Variants in GFM2 observed in about 807,000 individuals in gnomAD.
GFM2 encodes ribosome-releasing factor 2, mitochondrial.
A neutral mutation model predicts 95.4 loss-of-function variants in GFM2; 72 were observed. That is an observed-to-expected ratio of 0.76 (90% CI 0.62 to 0.92). The LOEUF (loss-of-function observed/expected upper bound fraction) is 0.92, where lower values mean the gene tolerates loss of function less well. Ranked by LOEUF, GFM2 falls within the 40% of genes least tolerant of loss-of-function variation. The probability of loss-of-function intolerance (pLI) is 0.00; values close to 1 mark genes in which losing one functional copy is unlikely to be tolerated. For synonymous variants in GFM2, 276 were observed against 317.5 expected, an observed-to-expected ratio of 0.87 and a Z score of 1.39; for missense variants, 825 against 924.1, an observed-to-expected ratio of 0.89 and a Z score of 1.39.
intron 12 of GFM2, 81 bp downstream of exon 12, chr5:74,739,908 T>C: frequency 9.9e-7 from 1 of 1,013,416 alleles, no homozygotes; most frequent in Non-Finnish European, 1.4e-6. Flanking sequence ...AAAATGGTGA[T>C]TTAACTACTT....
chr5:74,753,325 T>C (rs1190675065), intron 5 of GFM2, among the ~76,000 whole-genome samples: 1 of 152,100 alleles, frequency 6.6e-6, no homozygotes, highest in Admixed American at 6.6e-5. Context: ...AGGCCAGGTG[T>C]GGTGGCTCAC....
At chr5:74,749,801 T>TA (rs1410054174) in intron 7 of GFM2, among the ~76,000 whole-genome samples, 1 of 152,224 alleles carries the variant, frequency 6.6e-6, no homozygotes, top group African/African-American at 2.4e-5. Flanking sequence ...GTAGTTTTGA[T>TA]AAAGTTCCAG....
rs138756897 is a variant in GFM2, at chr5:74,725,649, G to A, written c.2019C>T (p.Cys673=). ...TAGGATAGTTCTATACCTTTTGCAC[G>A]CATCTTGAGACACAGGCAGAAATCA... ...TTMISACVSR[C]VQKALKKADK... is the part of the protein sequence containing the mutation. Residue 673 remains cysteine, a synonymous_variant, in exon 19 of 21, where the codon TGC becomes TGT. Coordinates refer to ENST00000296805, the MANE Select transcript of GFM2 (RefSeq NM_032380.5). 167 of 1,607,984 alleles carry A rather than the reference G, an allele frequency of 1.0e-4. No individual in the cohort carries two copies. The highest frequency in any genetic ancestry group is 9.9e-4 in the Middle Eastern group (6 of 6,046).
intron 1 of GFM2, among the ~76,000 whole-genome samples, chr5:74,764,122 C>T (rs531236739): frequency 1.7e-4 from 26 of 152,288 alleles, no homozygotes; most frequent in Non-Finnish European, 3.7e-4. Context: ...TAAGCATCCA[C>T]ATATTAACTT....
In GFM2 at chr5:74,726,088, C is replaced by A. The variant is rs774271112; in HGVS notation, c.1765G>T (p.Val589Leu). 4 of 1,611,594 alleles carry A rather than the reference C, an allele frequency of 2.5e-6. No individual in the cohort carries two copies. In the South Asian group the frequency reaches 3.3e-5, roughly 13 times the overall value. The change falls in exon 18 of 21, where the codon GTG becomes TTG. Residue 589 changes from valine (V) to leucine (L), a missense_variant. Physicochemically the swap from Val to Leu is conservative, Grantham distance 32 (BLOSUM62 1). Coordinates refer to ENST00000296805, the MANE Select transcript of GFM2 (RefSeq NM_032380.5). ...DRTLGDKRHL[V>L]TVEVEARPIE... is the part of the protein sequence containing the mutation. ...GGCCTTGCTTCCACTTCTACAGTCA[C>A]AAGATGCCTTTTGTCTCCTAAAGTT...
chr5:74,765,108 G>A lies in GFM2; in HGVS notation c.-24-1342C>T, dbSNP rs1438445544. 4.0e-6 allele frequency: 5 copies of A among 1,254,566 alleles called. No homozygotes were observed. The African/African-American group carries it at 7.7e-5, about 19-fold the overall frequency. 77.7% of individuals were successfully genotyped at this position (1,254,566 alleles called of 1,614,324 possible). A position where few individuals can be genotyped will look rare whatever the true frequency, so the allele number is the denominator to read the frequency against. The stretch of plus-strand genomic sequence containing the variant: ...GCCTTGAATCCATTCCCTTTTCATT[G>A]GTAACGCCAAAGTTCAGGGCCTCAT... On this transcript the variant is annotated intron_variant, in intron 1 of 20. Transcript: ENST00000296805.
chr5:74,758,967 A>G (rs1744137021), intron 4 of GFM2, 21 bp from the exon 5 acceptor site: 1 of 1,489,632 alleles, frequency 6.7e-7, no homozygotes. Context: ...GGAAAAAATA[A>G]GGTAAACTTT....
chr5:74,755,812 T>C (rs1580013391), intron 5 of GFM2, among the ~76,000 whole-genome samples: 1 of 152,182 alleles, frequency 6.6e-6, no homozygotes, highest in Non-Finnish European at 1.5e-5. Context: ...ACCAATTCTA[T>C]TGATGCTATT....
At chr5:74,735,436 G>A (rs1742783609) in intron 15 of GFM2, among the ~76,000 whole-genome samples, 1 of 152,190 alleles carries the variant, frequency 6.6e-6, no homozygotes, top group Non-Finnish European at 1.5e-5. Context: ...GGAGGCAATA[G>A]AGATTGCTTT....
intron 19 of GFM2, 57 bp downstream of exon 19, chr5:74,725,583 T>G: frequency 3.5e-6 from 4 of 1,134,562 alleles, no homozygotes; most frequent in Non-Finnish European, 2.7e-6. Flanking sequence ...GCAAGATCAG[T>G]GGTACTATAC....
intron 19 of GFM2, 166 bp from the exon 20 acceptor site, chr5:74,722,727 A>G (rs1325610807): frequency 1.8e-6 from 1 of 560,714 alleles, no homozygotes; most frequent in Non-Finnish European, 3.1e-6. Context: ...AATAAGCATG[A>G]TAACAGAATT....
Position 74,725,765 on chromosome 5 carries a change from G to C in GFM2, c.1913-10C>G, listed in dbSNP as rs758660730. 2.3e-5 allele frequency: 36 copies of C among 1,595,306 alleles called. No individual in the cohort carries two copies. In the Admixed American group the frequency reaches 6.0e-4, roughly 27 times the overall value. ...GATCCAAGCAATGGTCCTAGACAAGGGAAAAAAATTGTATCATACTCTGCT... is the reference window on the plus strand; with the variant it reads ...GATCCAAGCAATGGTCCTAGACAAGCGAAAAAAATTGTATCATACTCTGCT... On this transcript the variant is annotated splice_polypyrimidine_tract_variant and intron_variant, in intron 18 of 20. Coordinates refer to ENST00000296805, the MANE Select transcript of GFM2 (RefSeq NM_032380.5).
chr5:74,758,158 G>A (rs957879208), intron 5 of GFM2, among the ~76,000 whole-genome samples: 3 of 152,108 alleles, frequency 2.0e-5, no homozygotes, highest in African/African-American at 4.8e-5. Flanking sequence ...TTTGATGTGA[G>A]AATTTAACTT....
chr5:74,752,280 T>C (rs1743756922), intron 5 of GFM2, among the ~76,000 whole-genome samples: 1 of 152,338 alleles, frequency 6.6e-6, no homozygotes, highest in South Asian at 2.1e-4. Flanking sequence ...ATTAAATTTA[T>C]AGACAGTAAA....
At chr5:74,755,749 C>G (rs1438276557) in intron 5 of GFM2, among the ~76,000 whole-genome samples, 1 of 152,092 alleles carries the variant, frequency 6.6e-6, no homozygotes, top group Non-Finnish European at 1.5e-5. Flanking sequence ...CAAAAAAAGT[C>G]TAGGACCAGA....
chr5:74,762,291 C>G (rs1744323914), intron 2 of GFM2, among the ~76,000 whole-genome samples: 1 of 152,130 alleles, frequency 6.6e-6, no homozygotes, highest in African/African-American at 2.4e-5. Flanking sequence ...TCCAAGACCC[C>G]CAGTGGATTC....
At chr5:74,764,039 T>C (rs545929976) in intron 1 of GFM2, among the ~76,000 whole-genome samples, 25 of 152,330 alleles carry the variant, frequency 1.6e-4, no homozygotes, top group South Asian at 1.0e-3. Flanking sequence ...GAAATCAACT[T>C]ATTGAAATTA....
chr5:74,722,650 T>C, intron 19 of GFM2, 89 bp from the exon 20 acceptor site: 1 of 998,930 alleles, frequency 1.0e-6, no homozygotes, highest in Middle Eastern at 3.1e-4. Context: ...AGACATAAGC[T>C]TGCTTTAACT....
rs569294539 is a variant in GFM2, at chr5:74,730,501, T to C, written c.1588-103A>G. 54 of 747,334 alleles carry C rather than the reference T, an allele frequency of 7.2e-5. No homozygotes were observed. The Admixed American group carries it at 9.9e-4, about 14-fold the overall frequency. 46.3% of individuals were successfully genotyped at this position (747,334 alleles called of 1,614,324 possible). A position where few individuals can be genotyped will look rare whatever the true frequency, so the allele number is the denominator to read the frequency against. ...TAATACATACTTATTTTTAATTAAT[T>C]ACAGTTTCCTTTGTAATTCTTTTTG... On this transcript the variant is annotated intron_variant, in intron 16 of 20. Transcript: ENST00000296805.
Sources: allele counts gnomAD v4.1 joint callset (sites outside exome capture counted in the v4.1 genomes callset), GRCh38; gene constraint gnomAD v4.1.1; transcripts MANE v1.5; gene names NCBI Gene and HGNC (gene_info 2026-07-23, HGNC 2026-07-21).